The following GLYATL1B variants were observed in gnomAD, a reference collection of about 807,000 sequenced individuals.
GLYATL1B encodes the protein glycine-N-acyltransferase like 1B.
In GLYATL1B, 6 loss-of-function variants were observed where a neutral mutation model predicts 5.5. The observed-to-expected ratio is 1.09, with a 90% CI of 0.60 to 2.15. The LOEUF is 2.15. Ranked by LOEUF, GLYATL1B falls within the 30% of genes most tolerant of loss-of-function variation. GLYATL1B has a pLI of 0.00. For missense variants in GLYATL1B, 135 were observed against 94.1 expected (o/e 1.43, Z -1.80); for synonymous variants, 67 against 34.9 (o/e 1.92, Z -3.24).
chr11:59,086,622 C>T (rs543156656), intron 1 of GLYATL1B, among the ~76,000 whole-genome samples: 145 of 152,226 alleles, frequency 9.5e-4, no homozygotes, highest in Non-Finnish European at 1.6e-3. Flanking sequence ...ATGGTGGCTA[C>T]GAACATCGGT....
At position 59,093,571 on chromosome 11, in the gene GLYATL1B, G is replaced by A. The variant is rs528295445; in HGVS notation, c.229G>A (p.Val77Ile). The change falls in exon 3 of 5, where the codon GTA becomes ATA. Residue 77 changes from valine to isoleucine, a missense_variant. Physicochemically the swap from Val to Ile is conservative, Grantham distance 29 (BLOSUM62 3). Transcript: ENST00000527482. ...DMDSYTNVYR[V>I]FSKDPQKSQE... ...GGATTCATACACTAATGTATATCGT[G>A]TATTCTCCAAAGACCCTCAAAAATC... The A allele has an allele frequency of 6.8e-5, 33 of 485,820 alleles. No individual in the cohort carries two copies. Among genetic ancestry groups the A allele is most frequent in the African/African-American group, 3.0e-4 (15 of 50,604 alleles). The allele number at this position is 485,820 out of a possible 1,614,324, so 30.1% of individuals were successfully genotyped here.
chr11:59,087,361 T>C (rs563825565), intron 2 of GLYATL1B, among the ~76,000 whole-genome samples, 190 bp downstream of exon 2: 2 of 151,726 alleles, frequency 1.3e-5, no homozygotes, highest in East Asian at 1.9e-4. Flanking sequence ...TAAGACTCAT[T>C]AGGGAAAGGG....
Position 59,086,404 on chromosome 11 carries a change from T to C in GLYATL1B, c.78+20T>C, listed in dbSNP as rs1590869290. The C allele has an allele frequency of 2.5e-6, 1 of 397,818 alleles. No homozygotes were observed. The highest frequency in any genetic ancestry group is 2.1e-5 in the African/African-American group (1 of 48,244). 24.6% of individuals were successfully genotyped at this position (397,818 alleles called of 1,614,324 possible). A position where few individuals can be genotyped will look rare whatever the true frequency, so the allele number is the denominator to read the frequency against. On this transcript the variant is annotated intron_variant, in intron 1 of 4. Transcript: ENST00000527482. ...CTGAAGGTGAAGGAACAGTGGGAGGTTGGGGTATGGGAGTAGGGGTGTTGA... is the reference window on the plus strand; with the variant it reads ...CTGAAGGTGAAGGAACAGTGGGAGGCTGGGGTATGGGAGTAGGGGTGTTGA...
In GLYATL1B at chr11:59,087,074, C is replaced by T. The variant is rs559364456; in HGVS notation, c.89C>T (p.Ser30Phe). The T allele has an allele frequency of 1.1e-4, 77 of 669,836 alleles. 4 individuals carry two copies. In the South Asian group the frequency reaches 1.4e-3, roughly 12 times the overall value. The allele number at this position is 669,836 out of a possible 1,614,324, so 41.5% of individuals were successfully genotyped here. ...SIPESLKVYG[S>F]LFHINHGNPF... Reference sequence around the variant, plus strand: ...TCATCCCTCCTTCAGGTGTATGGCTCTCTGTTTCACATCAATCACGGGAAC... The same window carrying T: ...TCATCCCTCCTTCAGGTGTATGGCTTTCTGTTTCACATCAATCACGGGAAC... The change falls in exon 2 of 5, where the codon TCT becomes TTT. Residue 30 changes from serine (S) to phenylalanine (F), a missense_variant. Transcript: ENST00000527482.
At chr11:59,088,270 C>T (rs185847232) in intron 2 of GLYATL1B, among the ~76,000 whole-genome samples, 2 of 152,184 alleles carry the variant, frequency 1.3e-5, no homozygotes, top group Non-Finnish European at 2.9e-5. Context: ...CATTATTGGC[C>T]GAGGACACAC....
Position 59,087,135 on chromosome 11 carries a change from C to A in GLYATL1B, c.150C>A (p.Pro50=). ...TGGAAGTGTTGGTGGACTCCTGGCC[C>A]GAGTATCAGATGGTTATTATCCGAC... The part of the protein sequence containing the change: ...FNMEVLVDSW[P]EYQMVIIRPQ... Residue 50 remains proline (P), a synonymous_variant, in exon 2 of 5, where the codon CCC becomes CCA. Transcript: ENST00000527482. 1 of 657,196 alleles carries A rather than the reference C, an allele frequency of 1.5e-6. No individual in the cohort carries two copies. Among genetic ancestry groups the A allele is most frequent in the South Asian group, 2.1e-5 (1 of 46,958 alleles). The allele number at this position is 657,196 out of a possible 1,614,324, so 40.7% of individuals were successfully genotyped here.
chr11:59,091,078 G>A (rs1391023671), intron 2 of GLYATL1B, among the ~76,000 whole-genome samples: 1 of 151,900 alleles, frequency 6.6e-6, no homozygotes, highest in Non-Finnish European at 1.5e-5. Flanking sequence ...AAGATCTTCT[G>A]ATCAAACTCA....
At position 59,094,451 on chromosome 11, in the gene GLYATL1B, A is replaced by C. The variant is rs1565178621; in HGVS notation, c.574A>C (p.Lys192Gln). 1.4e-6 allele frequency: 1 copy of C among 702,868 alleles called. No individual in the cohort carries two copies. Among genetic ancestry groups the C allele is most frequent in the East Asian group, 2.6e-5 (1 of 38,696 alleles). 43.5% of individuals were successfully genotyped at this position (702,868 alleles called of 1,614,324 possible). ...VNDNWKLGMN[K>Q]RSLRYIKRCL... ...TGACAACTGGAAGCTAGGGATGAAT[A>C]AGAGGAGCCTGCGTTACATCAAGCG... is the stretch of plus-strand genomic sequence containing the variant. The change falls in exon 5 of 5, where the codon AAG (lysine) becomes CAG (glutamine). Residue 192 changes from lysine (K) to glutamine (Q), a missense_variant. By Grantham distance (53) the Lys-to-Gln change is moderately conservative. Transcript: ENST00000527482.
At chr11:59,092,983 G>A (rs1301012538) in intron 2 of GLYATL1B, among the ~76,000 whole-genome samples, 2 of 152,184 alleles carry the variant, frequency 1.3e-5, no homozygotes, top group African/African-American at 4.8e-5. Context: ...GAGAAATCAT[G>A]GTTAAATTCA....
chr11:59,088,058 C>G (rs1226938961), intron 2 of GLYATL1B, among the ~76,000 whole-genome samples: 1 of 152,074 alleles, frequency 6.6e-6, no homozygotes, highest in Non-Finnish European at 1.5e-5. Context: ...AAAGCATTCC[C>G]CAATCTGAAT....
chr11:59,089,879 G>T (rs539650840), intron 2 of GLYATL1B, among the ~76,000 whole-genome samples: 1 of 151,822 alleles, frequency 6.6e-6, no homozygotes, highest in South Asian at 2.1e-4. Flanking sequence ...GAGTTTTTTT[G>T]TTAATAATTA....
At chr11:59,089,542 G>A (rs1414190471) in intron 2 of GLYATL1B, among the ~76,000 whole-genome samples, 1 of 152,094 alleles carries the variant, frequency 6.6e-6, no homozygotes, top group Non-Finnish European at 1.5e-5. Flanking sequence ...CAAACTGGTG[G>A]GTGAAAAGTG....
At chr11:59,087,027 T>C in intron 1 of GLYATL1B, 37 bp from the exon 2 acceptor site, 3 of 584,470 alleles carry the variant, frequency 5.1e-6, no homozygotes, top group South Asian at 3.0e-5. Flanking sequence ...TCTCTGGGGA[T>C]CTCAGCCTCT....
intron 2 of GLYATL1B, among the ~76,000 whole-genome samples, chr11:59,092,777 C>T (rs1321142206): frequency 3.9e-5 from 6 of 152,204 alleles, no homozygotes; most frequent in Admixed American, 2.6e-4. Flanking sequence ...TCAGTTACTT[C>T]ATTCTATTTT....
chr11:59,094,623 T>C lies in GLYATL1B; in HGVS notation c.746T>C (p.Met249Thr). 1 of 443,422 alleles carries C rather than the reference T, an allele frequency of 2.3e-6. No homozygotes were observed. 27.5% of individuals were successfully genotyped at this position (443,422 alleles called of 1,614,324 possible). ...RRRGNGTRLI[M>T]RCMKYLCQKN... Reference sequence around the variant, plus strand: ...AGAGGCAATGGGACACGGCTGATCATGCGATGCATGAAGTATCTGTGTCAG... The same window carrying C: ...AGAGGCAATGGGACACGGCTGATCACGCGATGCATGAAGTATCTGTGTCAG... The change falls in exon 5 of 5, where the codon ATG becomes ACG. Residue 249 changes from methionine (M) to threonine (T), a missense_variant. Physicochemically the swap from Met to Thr is moderately conservative, Grantham distance 81. Transcript: ENST00000527482.
intron 2 of GLYATL1B, 125 bp from the exon 3 acceptor site, chr11:59,093,404 A>G (rs865899294): frequency 2.5e-6 from 1 of 394,452 alleles, no homozygotes; most frequent in East Asian, 3.6e-5. Flanking sequence ...CACGTGCCCA[A>G]CTGCAGCCAT....
chr11:59,093,946 G>C lies in GLYATL1B; in HGVS notation c.326G>C (p.Ser109Thr). 2.9e-6 allele frequency: 2 copies of C among 679,292 alleles called. No homozygotes were observed. Among genetic ancestry groups the C allele is most frequent in the Non-Finnish European group, 5.3e-6 (2 of 376,384 alleles). The allele number at this position is 679,292 out of a possible 1,614,324, so 42.1% of individuals were successfully genotyped here. The change falls in exon 4 of 5, where the codon AGT becomes ACT. Residue 109 changes from serine (S) to threonine (T), a missense_variant. Ser to Thr is a moderately conservative substitution (Grantham distance 58, BLOSUM62 1). Transcript: ENST00000527482. ...GGCTTTCTCTCAGGTTTTCAAGAAA[G>C]TTTAGGTGAGGGGATAAGAGCAGCT... is the stretch of plus-strand genomic sequence containing the variant. ...QKLQIQGFQESLGEGIRAAAF... is the reference protein window; with the variant it reads ...QKLQIQGFQETLGEGIRAAAF...
At chr11:59,092,433 C>G (rs879349032) in intron 2 of GLYATL1B, among the ~76,000 whole-genome samples, 1 of 151,898 alleles carries the variant, frequency 6.6e-6, no homozygotes, top group African/African-American at 2.4e-5. Flanking sequence ...TTTTAAAATC[C>G]GGTCTTTTAA....
At position 59,094,568 on chromosome 11, in the gene GLYATL1B, A is replaced by G. The variant is rs760766725; in HGVS notation, c.691A>G (p.Met231Val). 3 of 579,784 alleles carry G rather than the reference A, an allele frequency of 5.2e-6. No homozygotes were observed. Among genetic ancestry groups the G allele is most frequent in the Non-Finnish European group, 9.1e-6 (3 of 331,166 alleles). 35.9% of individuals were successfully genotyped at this position (579,784 alleles called of 1,614,324 possible). Reference protein sequence around the residue: ...VTMDPSCEIGMGYSVEKYRRR... With the variant: ...VTMDPSCEIGVGYSVEKYRRR... ...CATGGACCCTTCTTGTGAAATAGGA[A>G]TGGGCTACAGTGTGGAAAAATACCG... is the stretch of plus-strand genomic sequence containing the variant. The change falls in exon 5 of 5, where the codon ATG becomes GTG. Residue 231 changes from methionine to valine, a missense_variant. Transcript: ENST00000527482.
Sources: gnomAD v4.1 joint callset for allele counts (sites outside exome capture counted in the v4.1 genomes callset) on GRCh38, gnomAD v4.1.1 for gene constraint, MANE v1.5 for transcripts, NCBI Gene and HGNC (gene_info 2026-07-23, HGNC 2026-07-21) for gene names.